GREB1L: variants seen among roughly 807,000 people sequenced by gnomAD.
GREB1L encodes GREB1 like retinoic acid receptor coactivator, also known as GREB1-like protein.
GREB1L carries 17 observed loss-of-function variants against 200.8 expected under a neutral mutation model. The observed-to-expected ratio is 0.08, with a 90% CI of 0.06 to 0.13. The LOEUF (loss-of-function observed/expected upper bound fraction) is 0.13, where lower values mean the gene tolerates loss of function less well. Among genes scored for constraint, GREB1L ranks in the 10% least tolerant of loss-of-function variants. The pLI is 1.00. For synonymous variants in GREB1L, 789 were observed against 893.0 expected, an observed-to-expected ratio of 0.88 and a Z score of 2.08; for missense variants, 1,657 against 2,367.7, an observed-to-expected ratio of 0.70 and a Z score of 6.23.
At chr18:21,370,106 G>A (rs2039819299) in intron 2 of GREB1L, among the ~76,000 whole-genome samples, 1 of 152,096 alleles carries the variant, frequency 6.6e-6, no homozygotes, top group African/African-American at 2.4e-5. Context: ...ATGAAATAAA[G>A]CACTTCTGTT....
At chr18:21,464,605 A>G (rs2145600094) in intron 15 of GREB1L, among the ~76,000 whole-genome samples, 1 of 151,822 alleles carries the variant, frequency 6.6e-6, no homozygotes, top group South Asian at 2.1e-4. Flanking sequence ...GTATCATCCC[A>G]TGGATCAAAA....
chr18:21,402,778 C>A (rs1465191291), intron 6 of GREB1L, among the ~76,000 whole-genome samples: 3 of 152,068 alleles, frequency 2.0e-5, no homozygotes, highest in Admixed American at 2.0e-4. Context: ...CCACTTTGGC[C>A]TCTCAAAGTG....
chr18:21,495,582 G>A lies in GREB1L; in HGVS notation c.3031-88G>A, dbSNP rs1360944303. ...TAGTGGAGTAATTTGAAAGCACAGT[G>A]TGTCTAAAATCTGGACTCAGAAGCC... On this transcript the variant is annotated intron_variant, in intron 19 of 32. Coordinates refer to ENST00000424526, the MANE Select transcript of GREB1L (RefSeq NM_001142966.3). 7.0e-6 allele frequency: 5 copies of A among 709,986 alleles called. No individual in the cohort carries two copies. In the African/African-American group the frequency reaches 7.3e-5, roughly 10 times the overall value. 44.0% of individuals were successfully genotyped at this position (709,986 alleles called of 1,614,324 possible).
At chr18:21,494,599 A>ACACT (rs780788852) in intron 19 of GREB1L, among the ~76,000 whole-genome samples, 10 of 152,130 alleles carry the variant, frequency 6.6e-5, no homozygotes, top group Non-Finnish European at 1.5e-4. Context: ...AGCCTGGGCA[A>ACACT]CAGAGCAAGA....
chr18:21,472,089 C>G (rs1401356237), intron 15 of GREB1L, among the ~76,000 whole-genome samples: 1 of 152,200 alleles, frequency 6.6e-6, no homozygotes. Context: ...ACCTTTCTCT[C>G]CACCTTTTCT....
chr18:21,383,713 T>G lies in GREB1L; in HGVS notation c.157+38T>G, dbSNP rs186097296. The stretch of plus-strand genomic sequence containing the variant: ...ATCACACACATTTCTGGATTCTTTT[T>G]TTTTGTTTTGTTTTTTTGAGATGGA... On this transcript the variant is annotated intron_variant, in intron 3 of 32. Transcript: ENST00000424526. 2,000 of 1,543,150 alleles carry G rather than the reference T, an allele frequency of 1.3e-3. 24 individuals are homozygous for G. The African/African-American group carries it at 0.021, about 16-fold the overall frequency.
chr18:21,290,252 A>G (rs1402608933), intron 1 of GREB1L, among the ~76,000 whole-genome samples: 1 of 152,220 alleles, frequency 6.6e-6, no homozygotes, highest in African/African-American at 2.4e-5. Flanking sequence ...GTTTCAATGC[A>G]TGCTAATGGT....
At chr18:21,429,129 T>TCCTTCCTTCCTTCCTTCCTTCCTTCCCC (rs1555645533) in intron 7 of GREB1L, among the ~76,000 whole-genome samples, 1 of 130,778 alleles carries the variant, frequency 7.6e-6, no homozygotes. Flanking sequence ...CTTCCTTCCT[T>TCCTTCCTTCCTTCCTTCCTTCCTTCCCC]CCTTCCTTCC....
rs933726611 is a variant in GREB1L, at chr18:21,452,482, G to T, written c.1984+265G>T. On this transcript the variant is annotated intron_variant, in intron 14 of 32. Coordinates refer to ENST00000424526, the MANE Select transcript of GREB1L (RefSeq NM_001142966.3). Reference sequence around the variant, plus strand: ...AGCACTCTCTCTTTTTTCTCTGAAAGATTCCAGGACATTGGCTCATTTTCC... The same window carrying T: ...AGCACTCTCTCTTTTTTCTCTGAAATATTCCAGGACATTGGCTCATTTTCC... The T allele has an allele frequency of 3.0e-5, 11 of 371,676 alleles. No individual in the cohort carries two copies. The East Asian group carries it at 5.1e-4, about 17-fold the overall frequency. The allele number at this position is 371,676 out of a possible 1,614,324, so 23.0% of individuals were successfully genotyped here.
intron 7 of GREB1L, among the ~76,000 whole-genome samples, chr18:21,414,216 A>G (rs1342076841): frequency 1.3e-5 from 2 of 152,228 alleles, no homozygotes; most frequent in African/African-American, 4.8e-5. Flanking sequence ...AAAAAAGATC[A>G]TTATGAACCG....
At chr18:21,256,498 A>T (rs2037800679) in intron 1 of GREB1L, among the ~76,000 whole-genome samples, 1 of 152,184 alleles carries the variant, frequency 6.6e-6, no homozygotes, top group African/African-American at 2.4e-5. Context: ...AGACTGTATC[A>T]TTCCCCAGGG....
At chr18:21,262,471 C>A (rs532866838) in intron 1 of GREB1L, among the ~76,000 whole-genome samples, 2 of 152,210 alleles carry the variant, frequency 1.3e-5, no homozygotes, top group East Asian at 1.9e-4. Flanking sequence ...TATAAGATTA[C>A]GTGCTTAGAG....
intron 7 of GREB1L, among the ~76,000 whole-genome samples, chr18:21,430,153 A>G (rs1246019878): frequency 5.9e-5 from 9 of 152,112 alleles, no homozygotes; most frequent in Admixed American, 2.0e-4. Context: ...TAAAGGGCCT[A>G]TGTTCAAATA....
chr18:21,379,250 A>C (rs2120224), intron 2 of GREB1L, among the ~76,000 whole-genome samples: 19,561 of 152,198 alleles, frequency 0.13, 2,551 homozygotes, highest in African/African-American at 0.33. Context: ...CTTGTTGCCC[A>C]GGCTGGAGTG....
intron 7 of GREB1L, among the ~76,000 whole-genome samples, chr18:21,412,051 C>CAAAAAAAAAAAAAAAA (rs962603456): frequency 3.3e-5 from 1 of 30,506 alleles, no homozygotes; most frequent in African/African-American, 1.1e-4. Flanking sequence ...GACTCCGTCT[C>CAAAAAAAAAAAAAAAA]AAAAAAAAAA....
At chr18:21,337,946 C>A (rs1240453267) in intron 1 of GREB1L, among the ~76,000 whole-genome samples, 3 of 151,830 alleles carry the variant, frequency 2.0e-5, no homozygotes, top group Non-Finnish European at 4.4e-5. Context: ...GAGATCGCAC[C>A]ACTGCACTGC....
Position 21,500,299 on chromosome 18 carries a change from C to G in GREB1L, c.3962C>G (p.Pro1321Arg). The G allele has an allele frequency of 1.6e-6, 2 of 1,272,456 alleles. No individual in the cohort carries two copies. Among genetic ancestry groups the G allele is most frequent in the East Asian group, 2.5e-5 (1 of 39,660 alleles). The allele number at this position is 1,272,456 out of a possible 1,614,324, so 78.8% of individuals were successfully genotyped here. A position where few individuals can be genotyped will look rare whatever the true frequency, so the allele number is the denominator to read the frequency against. ...FHPRRLLLTG[P>R]PQVGKTGSYL... ...CCCCGACGGCTCCTGCTGACAGGGC[C>G]CCCACAGGTAGGGCCAAGCCAGCCG... The change falls in exon 22 of 33, where the codon CCC becomes CGC. Residue 1321 changes from proline to arginine, a missense_variant. This residue lies in a region of GREB1L where 512 missense variants were observed against 668.3 expected (regional missense o/e 0.77). Transcript: ENST00000424526.
intron 9 of GREB1L, among the ~76,000 whole-genome samples, chr18:21,440,706 A>T (rs564602003): frequency 1.4e-4 from 22 of 152,286 alleles, no homozygotes; most frequent in Non-Finnish European, 2.1e-4. Flanking sequence ...CCCTGCTGTT[A>T]TCTGGTTCTT....
At chr18:21,351,038 T>A (rs2143292281) in intron 1 of GREB1L, among the ~76,000 whole-genome samples, 1 of 152,168 alleles carries the variant, frequency 6.6e-6, no homozygotes. Flanking sequence ...AGAGAATGGG[T>A]AAGATGGAAA....
Sources: allele counts gnomAD v4.1 joint callset (sites outside exome capture counted in the v4.1 genomes callset), GRCh38; gene constraint gnomAD v4.1.1; regional missense constraint gnomAD v4.1.1; transcripts MANE v1.5; gene names NCBI Gene and HGNC (gene_info 2026-07-23, HGNC 2026-07-21).